The following MITF variants were observed in gnomAD, a reference collection of about 807,000 sequenced individuals.
The protein encoded by MITF is microphthalmia-associated transcription factor.
A neutral mutation model predicts 60.5 loss-of-function variants in MITF; 17 were observed. The ratio of observed to expected loss-of-function variants is 0.28; its 90% confidence interval spans 0.19 to 0.42. The LOEUF (loss-of-function observed/expected upper bound fraction) is 0.42. MITF is among the 10% of genes least tolerant of loss of function. The probability of loss-of-function intolerance (pLI) is 1.00; values close to 1 mark genes in which losing one functional copy is unlikely to be tolerated. For missense variants in MITF, 622 were observed against 683.5 expected (o/e 0.91, Z 1.00); for synonymous variants, 260 against 248.5 (o/e 1.05, Z -0.43).
intron 1 of MITF, among the ~76,000 whole-genome samples, chr3:69,805,375 G>A (rs1389441055): frequency 6.6e-6 from 1 of 152,042 alleles, no homozygotes; most frequent in Non-Finnish European, 1.5e-5. Flanking sequence ...TAATTTTTAA[G>A]GATTTCTTCC....
At chr3:69,856,728 C>A (rs1258423406) in intron 1 of MITF, among the ~76,000 whole-genome samples, 2 of 152,112 alleles carry the variant, frequency 1.3e-5, no homozygotes, top group African/African-American at 4.8e-5. Flanking sequence ...TGAGAACTTT[C>A]TTCTTCTATT....
intron 2 of MITF, among the ~76,000 whole-genome samples, chr3:69,928,130 GTCCACCTACT>G (rs1262341932): frequency 1.3e-5 from 2 of 152,202 alleles, no homozygotes; most frequent in African/African-American, 4.8e-5. Flanking sequence ...CCAGGCAGTA[GTCCACCTACT>G]TCTGTTAGAG....
At chr3:69,944,312 G>T (rs1012008319) in intron 5 of MITF, among the ~76,000 whole-genome samples, 1 of 152,088 alleles carries the variant, frequency 6.6e-6, no homozygotes, top group African/African-American at 2.4e-5. Flanking sequence ...TCTCACGGGG[G>T]TTACCAGTCT....
rs1274301451 is a variant in MITF, at chr3:69,804,814, A to AT, written c.104+65113_104+65114insT. 3.3e-5 allele frequency among the ~76,000 whole-genome samples: 5 copies of AT among 152,322 alleles called. No homozygotes were observed. In the East Asian group the frequency reaches 9.6e-4, roughly 29 times the overall value. On this transcript the variant is annotated intron_variant, in intron 1 of 9. Coordinates refer to ENST00000352241, the MANE Select transcript of MITF (RefSeq NM_001354604.2). The stretch of plus-strand genomic sequence containing the variant: ...ATCTGGGAGTTGGCTGTCTTGTGGA[A>AT]GGTCAGCGTGATGACGTCTCTAGAC...
intron 1 of MITF, among the ~76,000 whole-genome samples, chr3:69,761,668 C>A (rs1014382894): frequency 1.3e-5 from 2 of 152,206 alleles, no homozygotes; most frequent in African/African-American, 4.8e-5. Flanking sequence ...AAGGTGCTCA[C>A]AGCATGCCTG....
intron 2 of MITF, among the ~76,000 whole-genome samples, chr3:69,891,331 A>G (rs1449281553): frequency 6.6e-6 from 1 of 152,208 alleles, no homozygotes; most frequent in Non-Finnish European, 1.5e-5. Context: ...TTTAATTTTG[A>G]TATAAAATCT....
Position 69,920,596 on chromosome 3 carries a change from A to G in MITF, c.355-17226A>G, listed in dbSNP as rs557719572. ...TCTGTCTCCTCTCCCTCTCTGCCTC[A>G]GCTGCCAGGCAGGGAAGGGCTCCCT... On this transcript the variant is annotated intron_variant, in intron 2 of 9. Transcript: ENST00000352241. 2.0e-5 allele frequency among the ~76,000 whole-genome samples: 3 copies of G among 152,228 alleles called. No homozygotes were observed. The South Asian group carries it at 6.2e-4, about 32-fold the overall frequency.
At chr3:69,804,544 C>T (rs2062974672) in intron 1 of MITF, among the ~76,000 whole-genome samples, 1 of 152,128 alleles carries the variant, frequency 6.6e-6, no homozygotes, top group Non-Finnish European at 1.5e-5. Flanking sequence ...TTAAAATATA[C>T]ACTTGATATT....
intron 5 of MITF, among the ~76,000 whole-genome samples, chr3:69,945,550 A>G: frequency 6.6e-6 from 1 of 152,220 alleles, no homozygotes; most frequent in East Asian, 1.9e-4. Flanking sequence ...TCCTTTCTTT[A>G]AAATGCATGG....
chr3:69,946,890 C>G (rs1194059626), intron 5 of MITF, among the ~76,000 whole-genome samples: 1 of 152,142 alleles, frequency 6.6e-6, no homozygotes, highest in East Asian at 1.9e-4. Context: ...CCATTTCTCA[C>G]TAGGTATCCC....
chr3:69,799,097 T>A (rs1167215179), intron 1 of MITF, among the ~76,000 whole-genome samples: 1 of 151,810 alleles, frequency 6.6e-6, no homozygotes, highest in Non-Finnish European at 1.5e-5. Context: ...GTTGAGGGAG[T>A]GAGTGAATAA....
chr3:69,857,036 T>C (rs976036028), intron 1 of MITF, among the ~76,000 whole-genome samples: 3 of 152,118 alleles, frequency 2.0e-5, no homozygotes, highest in Non-Finnish European at 2.9e-5. Context: ...ATTTAACCTA[T>C]TGGTGAATAG....
At chr3:69,888,673 A>T (rs1575889860) in intron 2 of MITF, among the ~76,000 whole-genome samples, 1 of 152,112 alleles carries the variant, frequency 6.6e-6, no homozygotes, top group South Asian at 2.1e-4. Flanking sequence ...CTGCTGATTT[A>T]TTACCCACAC....
At chr3:69,858,016 G>A (rs754607097) in intron 1 of MITF, among the ~76,000 whole-genome samples, 1 of 152,084 alleles carries the variant, frequency 6.6e-6, no homozygotes. Context: ...TGTAGTAAAT[G>A]TTAAGGGGAG....
chr3:69,779,192 T>C (rs1214166907), intron 1 of MITF: 1 of 152,146 alleles, frequency 6.6e-6, no homozygotes, highest in African/African-American at 2.4e-5. Flanking sequence ...GGTGCAGAGA[T>C]TTTTGGAAAG....
At chr3:69,952,783 T>G (rs1445651452) in intron 7 of MITF, among the ~76,000 whole-genome samples, 1 of 152,168 alleles carries the variant, frequency 6.6e-6, no homozygotes, top group Non-Finnish European at 1.5e-5. Context: ...ACAAACGGTA[T>G]CATATTGTCC....
chr3:69,782,675 T>C (rs2062585199), intron 1 of MITF, among the ~76,000 whole-genome samples: 1 of 152,216 alleles, frequency 6.6e-6, no homozygotes, highest in South Asian at 2.1e-4. Flanking sequence ...TGTAGGCCAT[T>C]TCTTGCTTCT....
intron 1 of MITF, among the ~76,000 whole-genome samples, chr3:69,793,428 T>C (rs1333265278): frequency 1.7e-5 from 2 of 117,926 alleles, no homozygotes; most frequent in Non-Finnish European, 4.0e-5. Flanking sequence ...GTCATATAGC[T>C]CTTTGGTGTG....
intron 1 of MITF, among the ~76,000 whole-genome samples, chr3:69,851,510 T>C (rs905590147): frequency 6.6e-6 from 1 of 152,140 alleles, no homozygotes; most frequent in Non-Finnish European, 1.5e-5. Flanking sequence ...CCTGTAGCAA[T>C]GTGGATGAAG....
Sources: gnomAD v4.1 joint callset for allele counts (sites outside exome capture counted in the v4.1 genomes callset) on GRCh38, gnomAD v4.1.1 for gene constraint, MANE v1.5 for transcripts, NCBI Gene and HGNC (gene_info 2026-07-23, HGNC 2026-07-21) for gene names.